TLE4: variants seen among roughly 807,000 people sequenced by gnomAD.
TLE4 encodes the protein TLE family member 4, transcriptional corepressor, also known as transducin-like enhancer protein 4.
A neutral mutation model predicts 92.8 loss-of-function variants in TLE4; 8 were observed. The observed-to-expected ratio is 0.09, with a 90% CI of 0.05 to 0.16. TLE4 has a LOEUF of 0.16. Ranked by LOEUF, TLE4 falls within the 10% of genes least tolerant of loss-of-function variation. TLE4 has a pLI of 1.00. For missense variants in TLE4, 675 were observed against 997.6 expected (o/e 0.68, Z 4.36); for synonymous variants, 371 against 374.1 (o/e 0.99, Z 0.10).
intron 14 of TLE4, among the ~76,000 whole-genome samples, chr9:79,715,759 G>C (rs997374148): frequency 2.0e-5 from 3 of 152,046 alleles, no homozygotes; most frequent in African/African-American, 7.3e-5. Flanking sequence ...CAACCCCCCA[G>C]TATCTTCATC....
intron 14 of TLE4, among the ~76,000 whole-genome samples, chr9:79,712,842 G>A (rs998457144): frequency 3.9e-5 from 6 of 152,084 alleles, no homozygotes; most frequent in East Asian, 1.9e-4. Context: ...TTAACATCAC[G>A]GTACTAATTG....
intron 11 of TLE4, chr9:79,707,225 T>G (rs1264604560): frequency 6.2e-7 from 1 of 1,610,220 alleles, no homozygotes; most frequent in Admixed American, 1.7e-5. Context: ...TATGGTAAAT[T>G]TAGTTTGGGG....
intron 4 of TLE4, among the ~76,000 whole-genome samples, chr9:79,588,761 G>T (rs2041835551): frequency 6.6e-6 from 1 of 152,232 alleles, no homozygotes; most frequent in African/African-American, 2.4e-5. Flanking sequence ...TTGAGTGCCT[G>T]CCTGGGGTGG....
At chr9:79,703,109 A>C (rs1018644266) in intron 8 of TLE4, among the ~76,000 whole-genome samples, 2 of 152,194 alleles carry the variant, frequency 1.3e-5, no homozygotes, top group Non-Finnish European at 2.9e-5. Context: ...TAAATTTATA[A>C]ATGAGGAAGA....
At chr9:79,715,759 G>T (rs997374148) in intron 14 of TLE4, among the ~76,000 whole-genome samples, 3 of 152,046 alleles carry the variant, frequency 2.0e-5, no homozygotes. Context: ...CAACCCCCCA[G>T]TATCTTCATC....
chr9:79,669,946 G>T (rs1353626474), intron 8 of TLE4, among the ~76,000 whole-genome samples: 2 of 152,086 alleles, frequency 1.3e-5, no homozygotes, highest in African/African-American at 2.4e-5. Flanking sequence ...GCTCTCAGAA[G>T]ATATTTTGCT....
intron 4 of TLE4, among the ~76,000 whole-genome samples, chr9:79,590,877 A>G (rs1208647672): frequency 6.6e-6 from 1 of 152,260 alleles, no homozygotes; most frequent in Non-Finnish European, 1.5e-5. Flanking sequence ...TGGATTTATT[A>G]TAAAGGTTAA....
At chr9:79,622,056 A>G (rs977455242) in intron 5 of TLE4, among the ~76,000 whole-genome samples, 1 of 152,220 alleles carries the variant, frequency 6.6e-6, no homozygotes, top group African/African-American at 2.4e-5. Flanking sequence ...ATTTTTTAAT[A>G]ACATCTCATT....
At chr9:79,706,047 ATTG>A (rs958694666) in intron 10 of TLE4, 105 bp downstream of exon 10, 21 of 1,150,682 alleles carry the variant, frequency 1.8e-5, no homozygotes, top group Admixed American at 1.2e-4. Context: ...TCGTTTTGTT[ATTG>A]TTGTTGTTTT....
At chr9:79,687,724 G>C (rs2135449540) in intron 8 of TLE4, among the ~76,000 whole-genome samples, 1 of 152,184 alleles carries the variant, frequency 6.6e-6, no homozygotes, top group Non-Finnish European at 1.5e-5. Context: ...CAATACACAA[G>C]TGTAATTTGC....
intron 5 of TLE4, among the ~76,000 whole-genome samples, chr9:79,621,956 ATCTGGTTTACCTC>A (rs1372992735): frequency 6.6e-6 from 1 of 152,148 alleles, no homozygotes; most frequent in African/African-American, 2.4e-5. Flanking sequence ...TTACCCTTCA[ATCTGGTTTACCTC>A]TCTGCCATCC....
intron 6 of TLE4, among the ~76,000 whole-genome samples, chr9:79,642,120 CA>C (rs1169917322): frequency 6.6e-6 from 1 of 151,872 alleles, no homozygotes; most frequent in East Asian, 1.9e-4. Context: ...TTTTGGAAAG[CA>C]AGTCTCCTAG....
At chr9:79,652,873 C>A (rs767281653) in intron 7 of TLE4, 79 bp downstream of exon 7, 5 of 1,440,598 alleles carry the variant, frequency 3.5e-6, no homozygotes, top group Admixed American at 1.7e-5. Context: ...ATTGTTTATT[C>A]TCTCTGAATT....
chr9:79,573,614 G>T, intron 1 of TLE4, 75 bp from the exon 2 acceptor site: 1 of 1,258,062 alleles, frequency 7.9e-7, no homozygotes, highest in Non-Finnish European at 1.1e-6. Flanking sequence ...CGCTAACGCC[G>T]CATAGTAGGT....
rs572836780 is a variant in TLE4 at position 79,641,708 on chromosome 9, A to T, written c.391-10885A>T. 2.6e-5 allele frequency among the ~76,000 whole-genome samples: 4 copies of T among 152,282 alleles called. No individual in the cohort carries two copies. In the East Asian group the frequency reaches 7.7e-4, roughly 29 times the overall value. On this transcript the variant is annotated intron_variant, in intron 6 of 19. Transcript: ENST00000376552. ...GAGCTGCCTCCATTTATTTTTATGAATGAATGATTGCTTACCCCTTCCACC... is the reference window on the plus strand; with the variant it reads ...GAGCTGCCTCCATTTATTTTTATGATTGAATGATTGCTTACCCCTTCCACC...
At chr9:79,701,091 C>T (rs372550413) in intron 8 of TLE4, among the ~76,000 whole-genome samples, 1 of 152,092 alleles carries the variant, frequency 6.6e-6, no homozygotes, top group Admixed American at 6.5e-5. Flanking sequence ...TATTCACATG[C>T]CTAGCAAAGA....
chr9:79,642,000 C>T (rs111503740), intron 6 of TLE4, among the ~76,000 whole-genome samples: 124 of 151,232 alleles, frequency 8.2e-4, no homozygotes, highest in African/African-American at 2.6e-3. Flanking sequence ...AAAATATTAG[C>T]GTATGTTGCA....
Position 79,592,929 on chromosome 9 carries a change from A to T in TLE4, c.252+16752A>T, listed in dbSNP as rs1487202470. Among the ~76,000 whole-genome samples the T allele has an allele frequency of 3.3e-5, 5 of 152,358 alleles. No individual in the cohort carries two copies. The East Asian group carries it at 5.8e-4, about 18-fold the overall frequency. ...GAAATAATTATTCCCATTGTTCATT[A>T]TGTCCCTGATGAGCTAAACACTGAA... On this transcript the variant is annotated intron_variant, in intron 4 of 19. Transcript: ENST00000376552.
chr9:79,723,216 G>A (rs1565228583), intron 19 of TLE4, among the ~76,000 whole-genome samples, 181 bp downstream of exon 19: 1 of 152,176 alleles, frequency 6.6e-6, no homozygotes. Flanking sequence ...GTGGAGCTGG[G>A]GATAGTCCCC....
Sources: allele counts gnomAD v4.1 joint callset (sites outside exome capture counted in the v4.1 genomes callset), GRCh38; gene constraint gnomAD v4.1.1; transcripts MANE v1.5; gene names NCBI Gene and HGNC (gene_info 2026-07-23, HGNC 2026-07-21).